Variants in MAPK10 observed in about 807,000 individuals in gnomAD.
The protein encoded by MAPK10 is JNK3 alpha protein kinase.
MAPK10 carries 25 observed loss-of-function variants against 59.3 expected under a neutral mutation model. The observed-to-expected ratio is 0.42, with a 90% confidence interval of 0.31 to 0.59. MAPK10 has a LOEUF of 0.59. MAPK10 is among the 20% of genes least tolerant of loss of function. The probability of loss-of-function intolerance (pLI) is 0.15; values close to 1 mark genes in which losing one functional copy is unlikely to be tolerated. For synonymous variants in MAPK10, 190 were observed against 200.5 expected (o/e 0.95, Z 0.44); for missense variants, 351 against 568.9 (o/e 0.62, Z 3.90).
At chr4:86,369,193 T>C (rs961077287) in intron 1 of MAPK10, among the ~76,000 whole-genome samples, 1 of 152,170 alleles carries the variant, frequency 6.6e-6, no homozygotes, top group African/African-American at 2.4e-5. Flanking sequence ...GACCGTAATT[T>C]GTCAGCATGG....
rs1162488361 is a variant in MAPK10 at position 86,015,511 on chromosome 4, T to G, written c.*1717A>C. The G allele has an allele frequency of 6.6e-6, 1 of 152,194 alleles. No homozygotes were observed. Among genetic ancestry groups the G allele is most frequent in the African/African-American group, 2.4e-5 (1 of 41,454 alleles). 9.4% of individuals were successfully genotyped at this position (152,194 alleles called of 1,614,324 possible). ...GAGTGCAAATAACTGTGATGGATAC[T>G]TCGAAGTGAATAAGAAGGGAAGCCT... On this transcript the variant is annotated 3_prime_UTR_variant, in exon 14 of 14. Coordinates refer to ENST00000641462, the MANE Select transcript of MAPK10 (RefSeq NM_138982.4).
At chr4:86,481,739 C>T (rs1471915819) in intron 1 of MAPK10, among the ~76,000 whole-genome samples, 1 of 152,132 alleles carries the variant, frequency 6.6e-6, no homozygotes, top group African/African-American at 2.4e-5. Flanking sequence ...AAACAGGTGC[C>T]TAAGAATGTA....
chr4:86,199,924 A>G (rs1482109290), intron 2 of MAPK10, among the ~76,000 whole-genome samples: 2 of 152,030 alleles, frequency 1.3e-5, no homozygotes, highest in Admixed American at 6.6e-5. Flanking sequence ...CAGGAAGATA[A>G]AAGGAACCAT....
At chr4:86,055,261 ATTG>A (rs1437445792) in intron 11 of MAPK10, among the ~76,000 whole-genome samples, 6 of 132,378 alleles carry the variant, frequency 4.5e-5, no homozygotes, top group African/African-American at 1.9e-4. Flanking sequence ...AATTATTCAC[ATTG>A]TTAATTATTC....
At chr4:86,142,454 T>G (rs1215446726) in intron 4 of MAPK10, among the ~76,000 whole-genome samples, 1 of 151,556 alleles carries the variant, frequency 6.6e-6, no homozygotes, top group Non-Finnish European at 1.5e-5. Context: ...TCAATGAAGG[T>G]TTTTTTTTCC....
intron 2 of MAPK10, among the ~76,000 whole-genome samples, chr4:86,228,515 T>C (rs748451913): frequency 3.9e-5 from 6 of 152,210 alleles, no homozygotes; most frequent in Non-Finnish European, 7.3e-5. Context: ...ATTTTACAAC[T>C]CAGTTAAGTT....
chr4:86,156,033 A>G (rs1228428114), intron 4 of MAPK10, among the ~76,000 whole-genome samples: 2 of 152,066 alleles, frequency 1.3e-5, no homozygotes. Flanking sequence ...GCAAGATTTC[A>G]GAATGGTGTA....
intron 4 of MAPK10, among the ~76,000 whole-genome samples, chr4:86,153,158 C>A (rs2149213871): frequency 6.6e-6 from 1 of 152,188 alleles, no homozygotes; most frequent in African/African-American, 2.4e-5. Flanking sequence ...TAAGAACCAG[C>A]ATCACTTAAC....
chr4:86,500,642 CTA>C (rs888029816), intron 1 of MAPK10, among the ~76,000 whole-genome samples: 18 of 152,064 alleles, frequency 1.2e-4, no homozygotes, highest in African/African-American at 4.1e-4. Flanking sequence ...CCTAAGCCCT[CTA>C]TATATGTTTC....
intron 4 of MAPK10, among the ~76,000 whole-genome samples, chr4:86,150,675 C>T (rs1467649154): frequency 6.6e-6 from 1 of 152,072 alleles, no homozygotes; most frequent in Non-Finnish European, 1.5e-5. Context: ...TCCTGGCTAA[C>T]ACGGTGAAAC....
intron 2 of MAPK10, among the ~76,000 whole-genome samples, chr4:86,258,012 A>T (rs1398493927): frequency 1.3e-5 from 2 of 152,168 alleles, no homozygotes; most frequent in Non-Finnish European, 2.9e-5. Context: ...GATAGGACCT[A>T]CTAGAGAAAA....
intron 4 of MAPK10, among the ~76,000 whole-genome samples, chr4:86,145,239 G>C (rs1386226504): frequency 7.1e-6 from 1 of 140,444 alleles, no homozygotes; most frequent in African/African-American, 2.9e-5. Context: ...GCGCGCGCCT[G>C]TAGTCCCAGC....
intron 1 of MAPK10, among the ~76,000 whole-genome samples, chr4:86,586,789 G>A (rs1042414264): frequency 1.3e-5 from 2 of 152,094 alleles, no homozygotes; most frequent in African/African-American, 4.8e-5. Context: ...GTCAGTTTGG[G>A]GCCAGTAGGG....
rs1221076958 is a variant in MAPK10 at position 86,015,908 on chromosome 4, A to T, written c.*1320T>A. 3 of 152,090 alleles carry T rather than the reference A, an allele frequency of 2.0e-5. No homozygotes were observed. Among genetic ancestry groups the T allele is most frequent in the African/African-American group, 7.2e-5 (3 of 41,418 alleles). The allele number at this position is 152,090 out of a possible 1,614,324, so 9.4% of individuals were successfully genotyped here. A position where few individuals can be genotyped will look rare whatever the true frequency, so the allele number is the denominator to read the frequency against. Reference sequence around the variant, plus strand: ...TCTCTGGAGATGTTTTCAAATGCTAACCTGAGACTCACACTGTGGTTTGGG... The same window carrying T: ...TCTCTGGAGATGTTTTCAAATGCTATCCTGAGACTCACACTGTGGTTTGGG... On this transcript the variant is annotated 3_prime_UTR_variant, in exon 14 of 14. Coordinates refer to ENST00000641462, the MANE Select transcript of MAPK10 (RefSeq NM_138982.4).
intron 2 of MAPK10, among the ~76,000 whole-genome samples, chr4:86,317,535 T>A (rs1265533972): frequency 6.6e-6 from 1 of 152,230 alleles, no homozygotes; most frequent in Admixed American, 6.5e-5. Context: ...AGTATTTATA[T>A]ACCCAAATCT....
chr4:86,475,987 G>A (rs974613575), intron 1 of MAPK10, among the ~76,000 whole-genome samples: 4 of 151,994 alleles, frequency 2.6e-5, no homozygotes, highest in African/African-American at 7.2e-5. Context: ...GCCAGAAAAC[G>A]GCACTTTTGA....
intron 1 of MAPK10, among the ~76,000 whole-genome samples, chr4:86,368,772 T>C (rs1372024489): frequency 6.6e-6 from 1 of 151,874 alleles, no homozygotes; most frequent in Non-Finnish European, 1.5e-5. Context: ...TTCAGTATCC[T>C]AATAGCATTT....
chr4:86,459,779 G>C (rs932888432), intron 1 of MAPK10, among the ~76,000 whole-genome samples: 6 of 152,122 alleles, frequency 3.9e-5, no homozygotes, highest in African/African-American at 1.2e-4. Context: ...GGGTGGGAAG[G>C]GGGTGAGGGA....
chr4:86,218,987 T>C (rs1023610350), intron 2 of MAPK10, among the ~76,000 whole-genome samples: 3 of 152,196 alleles, frequency 2.0e-5, no homozygotes, highest in African/African-American at 7.2e-5. Context: ...TAGGGAGGAA[T>C]TCATCATGAC....
Sources: allele counts gnomAD v4.1 joint callset (sites outside exome capture counted in the v4.1 genomes callset), GRCh38; gene constraint gnomAD v4.1.1; transcripts MANE v1.5; gene names NCBI Gene and HGNC (gene_info 2026-07-23, HGNC 2026-07-21).